Variants in PRKG1 observed in about 807,000 individuals in gnomAD.
PRKG1 encodes cGMP-dependent protein kinase 1.
Under a neutral mutation model 88.1 loss-of-function variants are expected in PRKG1, and 35 were observed. The observed-to-expected ratio is 0.40, with a 90% CI of 0.30 to 0.53. PRKG1 has a LOEUF of 0.53. Ranked by LOEUF, PRKG1 falls within the 20% of genes least tolerant of loss-of-function variation. The pLI is 0.59. For missense variants in PRKG1, 540 were observed against 839.8 expected, an observed-to-expected ratio of 0.64 and a Z score of 4.41; for synonymous variants, 303 against 292.5, an observed-to-expected ratio of 1.04 and a Z score of -0.37.
At chr10:51,247,835 C>A (rs866680963) in intron 2 of PRKG1, among the ~76,000 whole-genome samples, 1 of 151,826 alleles carries the variant, frequency 6.6e-6, no homozygotes, top group African/African-American at 2.4e-5. Context: ...CTTTTAAAAA[C>A]TAAATTGATT....
Position 51,152,841 on chromosome 10 carries a change from C to T in PRKG1, c.312-323C>T, listed in dbSNP as rs574740021. 3.7e-3 allele frequency among the ~76,000 whole-genome samples: 557 copies of T among 151,674 alleles called. 3 individuals are homozygous for T. Among genetic ancestry groups the T allele is most frequent in the Non-Finnish European group, 6.0e-3 (406 of 67,884 alleles). On this transcript the variant is annotated intron_variant, in intron 1 of 17. Coordinates refer to ENST00000373980, the MANE Select transcript of PRKG1 (RefSeq NM_006258.4). ...AAATTACAAACTTTAAAGTATGTAT[C>T]CATTGGTTTTCTAGCAATCTTTGTG...
chr10:51,329,306 A>G (rs1841671065), intron 2 of PRKG1, among the ~76,000 whole-genome samples: 4 of 152,172 alleles, frequency 2.6e-5, no homozygotes, highest in Admixed American at 2.0e-4. Flanking sequence ...CCCCTGCACC[A>G]TTTATTGAAG....
At chr10:52,033,309 G>A (rs548770337) in intron 5 of PRKG1, among the ~76,000 whole-genome samples, 3 of 152,222 alleles carry the variant, frequency 2.0e-5, no homozygotes, top group African/African-American at 7.2e-5. Context: ...ATTCATTCAA[G>A]TGGTCAAGGT....
At chr10:51,711,719 T>C (rs1229335045) in intron 3 of PRKG1, among the ~76,000 whole-genome samples, 3 of 152,202 alleles carry the variant, frequency 2.0e-5, no homozygotes, top group East Asian at 1.9e-4. Context: ...AGGAGGAAGC[T>C]GTCAGTGATT....
intron 2 of PRKG1, among the ~76,000 whole-genome samples, chr10:51,408,323 C>A (rs539107312): frequency 6.6e-6 from 1 of 152,296 alleles, no homozygotes; most frequent in South Asian, 2.1e-4. Flanking sequence ...CATGGTAAGA[C>A]CAGTGAATTC....
chr10:51,669,273 C>T (rs1840497605), intron 3 of PRKG1, among the ~76,000 whole-genome samples: 1 of 152,184 alleles, frequency 6.6e-6, no homozygotes, highest in Non-Finnish European at 1.5e-5. Flanking sequence ...TGAGGGCACT[C>T]TTACTGGCTT....
At chr10:51,982,758 T>A (rs1416481721) in intron 5 of PRKG1, among the ~76,000 whole-genome samples, 1 of 152,168 alleles carries the variant, frequency 6.6e-6, no homozygotes, top group Non-Finnish European at 1.5e-5. Context: ...TGTTTTATAG[T>A]GCAGTGGCAG....
At chr10:52,171,786 A>ATTTTTTTTTTTTTTTTTTTTTTTTTTT (rs545195374) in intron 9 of PRKG1, among the ~76,000 whole-genome samples, 2 of 93,860 alleles carry the variant, frequency 2.1e-5, no homozygotes, top group African/African-American at 8.5e-5. Flanking sequence ...TTTTATCAAA[A>ATTTTTTTTTTTTTTTTTTTTTTTTTTT]TTTTTTTTTT....
chr10:52,150,183 A>AATAATTATTATT (rs1554810290), intron 8 of PRKG1, among the ~76,000 whole-genome samples: 4 of 147,994 alleles, frequency 2.7e-5, no homozygotes, highest in African/African-American at 1.0e-4. Flanking sequence ...TAATAATAAT[A>AATAATTATTATT]ATTTGATTGG....
At chr10:51,484,410 A>G (rs1484826289) in intron 3 of PRKG1, among the ~76,000 whole-genome samples, 1 of 152,132 alleles carries the variant, frequency 6.6e-6, no homozygotes, top group Admixed American at 6.6e-5. Flanking sequence ...CTATGTATTT[A>G]TGCATTTTGG....
chr10:51,822,176 A>G (rs1462966709), intron 4 of PRKG1, among the ~76,000 whole-genome samples: 2 of 151,930 alleles, frequency 1.3e-5, no homozygotes, highest in Non-Finnish European at 2.9e-5. Flanking sequence ...TATGTCATTT[A>G]TGTGTGTGTA....
intron 5 of PRKG1, among the ~76,000 whole-genome samples, chr10:51,911,984 T>C (rs551292362): frequency 1.3e-5 from 2 of 152,296 alleles, no homozygotes; most frequent in South Asian, 4.1e-4. Flanking sequence ...AGGACTGCGC[T>C]CTCTCATAGC....
chr10:51,346,804 A>C lies in PRKG1; in HGVS notation c.479-120919A>C, dbSNP rs1349091996. On this transcript the variant is annotated intron_variant, in intron 2 of 17. Transcript: ENST00000373980. The stretch of plus-strand genomic sequence containing the variant: ...TGACATGGTAATTTGCTAGCATTGG[A>C]AGTATTATAGAATACTACCTCATGA... Among the ~76,000 whole-genome samples the C allele has an allele frequency of 2.0e-5, 3 of 152,208 alleles. No homozygotes were observed. In the East Asian group the frequency reaches 5.8e-4, roughly 29 times the overall value.
chr10:52,175,581 A>G (rs572942276), intron 9 of PRKG1, among the ~76,000 whole-genome samples: 2 of 152,158 alleles, frequency 1.3e-5, no homozygotes, highest in Non-Finnish European at 2.9e-5. Flanking sequence ...ACTGTTCTCC[A>G]TAGTGGATAT....
At chr10:51,653,178 T>C (rs1840082067) in intron 3 of PRKG1, among the ~76,000 whole-genome samples, 1 of 152,258 alleles carries the variant, frequency 6.6e-6, no homozygotes, top group South Asian at 2.1e-4. Context: ...ACACAGAGTG[T>C]AGATATGTTT....
rs147352975 is a variant in PRKG1 at position 52,011,778 on chromosome 10, G to A, written c.763-42706G>A. On this transcript the variant is annotated intron_variant, in intron 5 of 17. Coordinates refer to ENST00000373980, the MANE Select transcript of PRKG1 (RefSeq NM_006258.4). ...ACCCAAATTGCATTTTGTCACTCCC[G>A]TAATTCTCTTGTGTTGTGGGAGGGA... Among the ~76,000 whole-genome samples the A allele has an allele frequency of 1.1e-4, 16 of 152,174 alleles. No individual in the cohort carries two copies. The South Asian group carries it at 1.2e-3, about 12-fold the overall frequency.
At chr10:51,519,862 C>A (rs536647341) in intron 3 of PRKG1, among the ~76,000 whole-genome samples, 5 of 152,310 alleles carry the variant, frequency 3.3e-5, no homozygotes, top group African/African-American at 1.2e-4. Flanking sequence ...GATACAATGA[C>A]TAGATGAGTT....
chr10:51,896,379 C>G (rs779425341), intron 4 of PRKG1, among the ~76,000 whole-genome samples: 2 of 151,974 alleles, frequency 1.3e-5, no homozygotes, highest in Non-Finnish European at 2.9e-5. Flanking sequence ...TTTGCCACAA[C>G]TCTATGCAGA....
intron 3 of PRKG1, among the ~76,000 whole-genome samples, chr10:51,482,183 G>A (rs1840383547): frequency 6.6e-6 from 1 of 152,040 alleles, no homozygotes; most frequent in Admixed American, 6.5e-5. Context: ...GGGAATAATG[G>A]CAAGAGGCAT....
Sources: gnomAD v4.1 joint callset for allele counts (sites outside exome capture counted in the v4.1 genomes callset) on GRCh38, gnomAD v4.1.1 for gene constraint, MANE v1.5 for transcripts, NCBI Gene and HGNC (gene_info 2026-07-23, HGNC 2026-07-21) for gene names.